ANXA9: variants seen among roughly 807,000 people sequenced by gnomAD.
The protein encoded by ANXA9 is annexin A9, also known as annexin 31.
Under a neutral mutation model 51.8 loss-of-function variants are expected in ANXA9, and 47 were observed. The ratio of observed to expected loss-of-function variants is 0.91; its 90% confidence interval spans 0.72 to 1.16. ANXA9 has a LOEUF of 1.16. ANXA9 is among the 50% of genes most tolerant of loss of function. The pLI is 0.00. For missense variants in ANXA9, 361 were observed against 424.7 expected (o/e 0.85, Z 1.32); for synonymous variants, 154 against 168.7 (o/e 0.91, Z 0.68).
chr1:150,988,466 G>A (rs919322462), intron 12 of ANXA9, 125 bp downstream of exon 12: 1 of 1,176,490 alleles, frequency 8.5e-7, no homozygotes, highest in Non-Finnish European at 1.2e-6. Context: ...TCCTTCCCAG[G>A]GCTTACACAC....
rs372902693 is a variant in ANXA9 at position 150,986,662 on chromosome 1, G to A, written c.612+1G>A. The A allele has an allele frequency of 6.3e-7, 1 of 1,595,358 alleles. No homozygotes were observed. Among genetic ancestry groups the A allele is most frequent in the African/African-American group, 1.4e-5 (1 of 73,536 alleles). ...TAATCTGGCAGAACAAGATGTCCAG[G>A]TGAGCAGGGGGTTTAGGAGTGTGCA... On this transcript the variant is annotated splice_donor_variant, in intron 9 of 13. Coordinates refer to ENST00000368947, the MANE Select transcript of ANXA9 (RefSeq NM_003568.3). LOFTEE classifies it high-confidence loss of function.
upstream of ANXA9, among the ~76,000 whole-genome samples, chr1:150,980,521 A>G (rs1377687043): frequency 6.7e-6 from 1 of 149,456 alleles, no homozygotes; most frequent in Non-Finnish European, 1.5e-5. Context: ...TTAATCTAAT[A>G]CCCCTACTTT....
intron 5 of ANXA9, 36 bp downstream of exon 5, chr1:150,984,105 G>C: frequency 6.3e-7 from 1 of 1,596,628 alleles, no homozygotes; most frequent in Non-Finnish European, 8.5e-7. Context: ...CAGTGGACTG[G>C]GGTGAGAAAC....
intron 7 of ANXA9, 105 bp downstream of exon 7, chr1:150,984,781 C>T: frequency 2.1e-6 from 2 of 932,378 alleles, no homozygotes; most frequent in Non-Finnish European, 1.6e-6. Context: ...AACCTGGCTG[C>T]CTAAGTTCTA....
intron 3 of ANXA9, 49 bp from the exon 4 acceptor site, chr1:150,983,289 T>G (rs377655075): frequency 6.2e-7 from 1 of 1,604,050 alleles, no homozygotes; most frequent in Non-Finnish European, 8.5e-7. Context: ...GCTGAGGAGG[T>G]GTAGGCAGCC....
chr1:150,984,415 C>G (rs774400960), intron 6 of ANXA9, 21 bp downstream of exon 6: 1 of 1,609,138 alleles, frequency 6.2e-7, no homozygotes, highest in South Asian at 1.1e-5. Context: ...GGGAGACTTG[C>G]TGGGGTGTCT....
chr1:150,988,301 C>A lies in ANXA9; in HGVS notation c.812C>A (p.Thr271Lys). ...LLGLASVIKN[T>K]PLYFADKLHQ... ...TTTCCAGCTTCGGTGATCAAGAACA[C>A]ACCGCTGTACTTTGCTGACAAACTT... Residue 271 changes from threonine (T) to lysine (K), a missense_variant, in exon 12 of 14, where the codon ACA becomes AAA. Coordinates refer to ENST00000368947, the MANE Select transcript of ANXA9 (RefSeq NM_003568.3). The A allele has an allele frequency of 6.2e-7, 1 of 1,614,214 alleles. No homozygotes were observed.
chr1:150,981,401 G>T (rs587615724), upstream of ANXA9, among the ~76,000 whole-genome samples: 7 of 152,306 alleles, frequency 4.6e-5, no homozygotes, highest in African/African-American at 1.7e-4. Context: ...AGGGAGGCAG[G>T]AAAGAGGCTG....
chr1:150,992,047 G>A (rs79391769), intron 12 of ANXA9, among the ~76,000 whole-genome samples: 10,539 of 152,116 alleles, frequency 0.069, 1,232 homozygotes, highest in African/African-American at 0.24. Flanking sequence ...GATTACAGGC[G>A]TGAGCCACCG....
At chr1:150,978,927 G>A (rs1284039153), upstream of ANXA9, among the ~76,000 whole-genome samples, 2 of 151,924 alleles carry the variant, frequency 1.3e-5, no homozygotes, top group African/African-American at 4.8e-5. Flanking sequence ...TCGCGCCATT[G>A]CACTCTAACC....
chr1:150,988,940 A>G (rs1410122738), intron 12 of ANXA9, among the ~76,000 whole-genome samples: 2 of 149,912 alleles, frequency 1.3e-5, no homozygotes, highest in Admixed American at 1.3e-4. Flanking sequence ...CCCTTTCTCC[A>G]CGCTGGTCAG....
At position 150,988,148 on chromosome 1, in the gene ANXA9, G is replaced by A. The variant is rs771415277; in HGVS notation, c.755G>A (p.Arg252His). 8.1e-6 allele frequency: 13 copies of A among 1,614,228 alleles called. No individual in the cohort carries two copies. In the East Asian group the frequency reaches 1.3e-4, roughly 17 times the overall value. Reference protein sequence around the residue: ...GQELEEAVQNRFHGDAQVALL... With the variant: ...GQELEEAVQNHFHGDAQVALL... ...GAGCTGGAGGAGGCTGTCCAGAACC[G>A]TTTCCATGGAGATGCTCAGGTGGCT... The change falls in exon 11 of 14, where the codon CGT (arginine) becomes CAT (histidine). Residue 252 changes from arginine (R) to histidine (H), a missense_variant. Coordinates refer to ENST00000368947, the MANE Select transcript of ANXA9 (RefSeq NM_003568.3).
rs1571686196 is a variant in ANXA9, at chr1:150,983,162, C to T, written c.57C>T (p.His19=). The T allele has an allele frequency of 5.0e-6, 8 of 1,614,122 alleles. No homozygotes were observed. Among genetic ancestry groups the T allele is most frequent in the Non-Finnish European group, 6.8e-6 (8 of 1,180,008 alleles). ...CCCTCACCCAGGAGATCCTCAGCCA[C>T]CTGGGCCTGGCCAGCAAGGTAGGGG... is the stretch of plus-strand genomic sequence containing the variant. ...APSLTQEILS[H]LGLASKTAAW... The change falls in exon 3 of 14, where the codon CAC becomes CAT. Residue 19 remains histidine, a synonymous_variant. Coordinates refer to ENST00000368947, the MANE Select transcript of ANXA9 (RefSeq NM_003568.3).
chr1:150,980,552 A>G (rs1032190712), upstream of ANXA9, among the ~76,000 whole-genome samples: 1 of 150,448 alleles, frequency 6.6e-6, no homozygotes, highest in Non-Finnish European at 1.5e-5. Context: ...TTTCTCTGCC[A>G]CATGCAATTA....
chr1:150,992,363 A>G (rs1671725583), intron 12 of ANXA9, among the ~76,000 whole-genome samples: 1 of 152,128 alleles, frequency 6.6e-6, no homozygotes, highest in Non-Finnish European at 1.5e-5. Context: ...CAGACTGACC[A>G]ACATGGTGAA....
rs913682934 is a variant in ANXA9, at chr1:150,982,497, A to G, written c.-103A>G. 2.0e-5 allele frequency: 3 copies of G among 152,344 alleles called. No individual in the cohort carries two copies. The highest frequency in any genetic ancestry group is 2.9e-5 in the Non-Finnish European group (2 of 68,118). The allele number at this position is 152,344 out of a possible 1,614,324, so 9.4% of individuals were successfully genotyped here. A position where few individuals can be genotyped will look rare whatever the true frequency, so the allele number is the denominator to read the frequency against. On this transcript the variant is annotated 5_prime_UTR_variant, in exon 2 of 14. Coordinates refer to ENST00000368947, the MANE Select transcript of ANXA9 (RefSeq NM_003568.3). ...CTCCTTTCTGTCCAGGCATCCACGT[A>G]CTTGCAAGAACTCTTGCTCACATCA...
At chr1:150,983,251 G>A in intron 3 of ANXA9, 71 bp downstream of exon 3, 12 of 1,600,762 alleles carry the variant, frequency 7.5e-6, no homozygotes, top group Non-Finnish European at 8.5e-6. Flanking sequence ...TGGGAGGCAG[G>A]AAAGTGGAGG....
At chr1:150,980,289 G>A (rs1386448468), upstream of ANXA9, among the ~76,000 whole-genome samples, 2 of 151,688 alleles carry the variant, frequency 1.3e-5, no homozygotes, top group Non-Finnish European at 2.9e-5. Flanking sequence ...CCAGCTACTC[G>A]GGAGGCGGAG....
chr1:150,987,259 G>A (rs1333345122), intron 9 of ANXA9, among the ~76,000 whole-genome samples: 1 of 151,854 alleles, frequency 6.6e-6, no homozygotes, highest in Non-Finnish European at 1.5e-5. Context: ...AGGAGGCTGA[G>A]GTGGGAGGAT....
Sources: gnomAD v4.1 joint callset for allele counts (sites outside exome capture counted in the v4.1 genomes callset) on GRCh38, gnomAD v4.1.1 for gene constraint, MANE v1.5 for transcripts, NCBI Gene and HGNC (gene_info 2026-07-23, HGNC 2026-07-21) for gene names.